Variants in NUMBL observed in about 807,000 individuals in gnomAD.
NUMBL encodes NUMB like endocytic adaptor protein.
NUMBL carries 20 observed loss-of-function variants against 48.9 expected under a neutral mutation model. That is an observed-to-expected ratio of 0.41 (90% CI 0.29 to 0.59). The LOEUF is 0.59. Among genes scored for constraint, NUMBL ranks in the 20% least tolerant of loss-of-function variants. NUMBL has a pLI of 0.31. For synonymous variants in NUMBL, 340 were observed against 348.7 expected (o/e 0.98, Z 0.28); for missense variants, 660 against 846.2 (o/e 0.78, Z 2.73).
chr19:40,673,475 C>T lies in NUMBL; in HGVS notation c.905G>A (p.Arg302His), dbSNP rs1034305117. Residue 302 changes from arginine to histidine, a missense_variant, in exon 8 of 10, where the codon CGC (arginine) becomes CAC (histidine). Arg to His is a conservative substitution (Grantham distance 29, BLOSUM62 0). This residue lies in a region of NUMBL where 278 missense variants were observed against 420.6 expected (regional missense o/e 0.66). Coordinates refer to ENST00000252891, the MANE Select transcript of NUMBL (RefSeq NM_004756.5). The surrounding 1 kb of genome is among the most constrained non-coding windows in gnomAD (Gnocchi z 5.9). ...RRHAPLEQLV[R>H]QGSFRGFPAL... is the part of the protein sequence containing the mutation. ...TGGGAACCCACGGAAGGAGCCCTGG[C>T]GAACCAGCTGCTCCAGGGGTGCATG... The T allele has an allele frequency of 2.5e-6, 4 of 1,600,754 alleles. No individual in the cohort carries two copies. The highest frequency in any genetic ancestry group is 2.6e-6 in the Non-Finnish European group (3 of 1,173,990).
intron 6 of NUMBL, among the ~76,000 whole-genome samples, chr19:40,680,441 C>T (rs1015199435): frequency 3.9e-5 from 5 of 126,706 alleles, no homozygotes; most frequent in East Asian, 2.2e-4. Context: ...TGAGCCACCA[C>T]GCCTGGCCAA....
Position 40,677,374 on chromosome 19 carries a change from C to A in NUMBL, c.588G>T (p.Leu196=). The part of the protein sequence containing the change: ...HAVGCAFAAC[L]ERKQRREKEC... ...CCTTCTCCCGTCGCTGTTTTCGCTC[C>A]AGGCAGGCGGCAAAAGCACAGCCCA... is the stretch of plus-strand genomic sequence containing the variant. The change falls in exon 7 of 10, where the codon CTG becomes CTT. Residue 196 remains leucine (L), a synonymous_variant. Coordinates refer to ENST00000252891, the MANE Select transcript of NUMBL (RefSeq NM_004756.5). 6.2e-7 allele frequency: 1 copy of A among 1,611,738 alleles called. No homozygotes were observed. Among genetic ancestry groups the A allele is most frequent in the East Asian group, 2.2e-5 (1 of 44,886 alleles).
At position 40,687,308 on chromosome 19, in the gene NUMBL, T is replaced by C. The variant is rs1227252834; in HGVS notation, c.25-313A>G. On this transcript the variant is annotated intron_variant, in intron 1 of 9. Coordinates refer to ENST00000252891, the MANE Select transcript of NUMBL (RefSeq NM_004756.5). The surrounding 1 kb of genome is among the most constrained non-coding windows in gnomAD (Gnocchi z 4.6). ...AGGGCTACACACATACGCAGCCAAC[T>C]CATATCTACAGGTGTCCCTAGCATC... is the stretch of plus-strand genomic sequence containing the variant. 6.6e-6 allele frequency among the ~76,000 whole-genome samples: 1 copy of C among 152,124 alleles called. No individual in the cohort carries two copies. Among genetic ancestry groups the C allele is most frequent in the East Asian group, 1.9e-4 (1 of 5,188 alleles).
chr19:40,684,290 C>G (rs2081921866), intron 3 of NUMBL, 127 bp downstream of exon 3: 8 of 992,400 alleles, frequency 8.1e-6, no homozygotes, highest in Non-Finnish European at 8.7e-6. Context: ...GGACTGCCGG[C>G]CTCACGCTTT....
Position 40,690,583 on chromosome 19 carries a change from G to GC in NUMBL, c.-101dup. The GC allele has an allele frequency of 3.0e-6, 2 of 674,592 alleles. No homozygotes were observed. The highest frequency in any genetic ancestry group is 4.1e-6 in the Non-Finnish European group (2 of 484,610). 41.8% of individuals were successfully genotyped at this position (674,592 alleles called of 1,614,324 possible). ...GCGGCGGCAGCTCGGTCTGACGCCG[G>GC]CCAGGGCCCGGGGCCGGGGGATGGT... is the stretch of plus-strand genomic sequence containing the variant. On this transcript the variant is annotated 5_prime_UTR_variant, in exon 1 of 10. Transcript: ENST00000252891.
intron 7 of NUMBL, among the ~76,000 whole-genome samples, chr19:40,674,121 T>C (rs946485221): frequency 6.6e-6 from 1 of 152,194 alleles, no homozygotes; most frequent in African/African-American, 2.4e-5. Context: ...CAGTGTGATG[T>C]GCCCAAGTCC....
chr19:40,672,228 G>A (rs905603661), intron 8 of NUMBL, among the ~76,000 whole-genome samples: 1 of 152,090 alleles, frequency 6.6e-6, no homozygotes, highest in African/African-American at 2.4e-5. Flanking sequence ...CCTTTCCCTG[G>A]CCCATGGCAG....
Position 40,687,143 on chromosome 19 carries a change from A to T in NUMBL, c.25-148T>A. The T allele has an allele frequency of 1.7e-6, 1 of 579,614 alleles. No homozygotes were observed. The allele number at this position is 579,614 out of a possible 1,614,324, so 35.9% of individuals were successfully genotyped here. On this transcript the variant is annotated intron_variant, in intron 1 of 9. Coordinates refer to ENST00000252891, the MANE Select transcript of NUMBL (RefSeq NM_004756.5). The surrounding 1 kb of genome is among the most constrained non-coding windows in gnomAD (Gnocchi z 4.6). ...GTTGTCCTAGCAACTGTTACCAGGGAGATCAGCCACCTGGTTCCAAGGGCC... is the reference window on the plus strand; with the variant it reads ...GTTGTCCTAGCAACTGTTACCAGGGTGATCAGCCACCTGGTTCCAAGGGCC...
At chr19:40,669,237 G>A (rs575509504) in intron 9 of NUMBL, among the ~76,000 whole-genome samples, 18 of 152,100 alleles carry the variant, frequency 1.2e-4, no homozygotes, top group Non-Finnish European at 2.4e-4. Context: ...TTTCTAAGGT[G>A]ATCCTATGGC....
chr19:40,677,269 C>A lies in NUMBL; in HGVS notation c.693G>T (p.Gly231=). 6.3e-7 allele frequency: 1 copy of A among 1,594,066 alleles called. No individual in the cohort carries two copies. The highest frequency in any genetic ancestry group is 1.8e-4 in the Middle Eastern group (1 of 5,420). Residue 231 remains glycine, a synonymous_variant, in exon 7 of 10, where the codon GGG becomes GGT. Coordinates refer to ENST00000252891, the MANE Select transcript of NUMBL (RefSeq NM_004756.5). ...REGSFRLSGG[G]RPAEREAPDK... The stretch of plus-strand genomic sequence containing the variant: ...CCGGGGCCTCTCGCTCAGCAGGCCG[C>A]CCACCCCCAGACAGGCGGAAGGAGC...
chr19:40,667,332 G>A lies in NUMBL; in HGVS notation c.*136C>T, dbSNP rs1239376985. The A allele has an allele frequency of 8.8e-6, 11 of 1,253,964 alleles. No individual in the cohort carries two copies. Among genetic ancestry groups the A allele is most frequent in the East Asian group, 2.5e-5 (1 of 39,446 alleles). 77.7% of individuals were successfully genotyped at this position (1,253,964 alleles called of 1,614,324 possible). A position where few individuals can be genotyped will look rare whatever the true frequency, so the allele number is the denominator to read the frequency against. On this transcript the variant is annotated 3_prime_UTR_variant, in exon 10 of 10. Transcript: ENST00000252891. This position sits in a 1 kb window ranked among gnomAD's most constrained non-coding sequence, Gnocchi z 6.1. The stretch of plus-strand genomic sequence containing the variant: ...CAATGTTGGTTCTGTAGTGGTTGTC[G>A]GGGTGGTTGAGGGAGGGGGGTGTTG...
intron 5 of NUMBL, among the ~76,000 whole-genome samples, chr19:40,681,830 G>A (rs1229492671): frequency 3.3e-5 from 5 of 151,854 alleles, no homozygotes; most frequent in Admixed American, 2.0e-4. Context: ...GCACCACCAC[G>A]TCTGGCTAAT....
rs748345738 is a variant in NUMBL at position 40,667,446 on chromosome 19, G to A, written c.*22C>T. 1.3e-6 allele frequency: 2 copies of A among 1,599,848 alleles called. No individual in the cohort carries two copies. Among genetic ancestry groups the A allele is most frequent in the Non-Finnish European group, 1.7e-6 (2 of 1,174,000 alleles). On this transcript the variant is annotated 3_prime_UTR_variant, in exon 10 of 10. Coordinates refer to ENST00000252891, the MANE Select transcript of NUMBL (RefSeq NM_004756.5). This position sits in a 1 kb window ranked among gnomAD's most constrained non-coding sequence, Gnocchi z 6.1. The stretch of plus-strand genomic sequence containing the variant: ...CAGGCGTGGGGCACCTGGAGATGAT[G>A]GAGTGGGTGGGGCGGCTCGGGCTAC...
At position 40,680,926 on chromosome 19, in the gene NUMBL, C is replaced by T. The variant is rs1050382437; in HGVS notation, c.531G>A (p.Leu177=). Reference sequence around the variant, plus strand: ...CTGTGGCAATACTCACGGAGTCCTTCAGTGCCAGAAAACAGTGGCAGATCC... The same window carrying T: ...CTGTGGCAATACTCACGGAGTCCTTTAGTGCCAGAAAACAGTGGCAGATCC... ...RRWICHCFLA[L]KDSGERLSHA... The change falls in exon 6 of 10, where the codon CTG becomes CTA. Residue 177 remains leucine (L), a synonymous_variant. Coordinates refer to ENST00000252891, the MANE Select transcript of NUMBL (RefSeq NM_004756.5). 1 of 1,614,066 alleles carries T rather than the reference C, an allele frequency of 6.2e-7. No homozygotes were observed. Among genetic ancestry groups the T allele is most frequent in the African/African-American group, 1.3e-5 (1 of 74,930 alleles).
intron 6 of NUMBL, among the ~76,000 whole-genome samples, chr19:40,677,720 C>T (rs1025642968): frequency 2.6e-5 from 4 of 152,112 alleles, no homozygotes; most frequent in Non-Finnish European, 4.4e-5. Flanking sequence ...TGGTGGCTCT[C>T]GCCTGTAATC....
chr19:40,684,805 G>A, intron 2 of NUMBL: 1 of 498,832 alleles, frequency 2.0e-6, no homozygotes, highest in South Asian at 2.6e-5. Context: ...GGGCTAAGGG[G>A]CTGGAGGTCT....
chr19:40,684,385 T>TCGCCCCGCCG, intron 3 of NUMBL, 32 bp downstream of exon 3: 1 of 1,533,814 alleles, frequency 6.5e-7, no homozygotes, highest in Non-Finnish European at 8.7e-7. Context: ...CCCGTCCCCC[T>TCGCCCCGCCG]CGCCCCGCCG....
intron 6 of NUMBL, 100 bp from the exon 7 acceptor site, chr19:40,677,521 A>C: frequency 9.3e-7 from 1 of 1,073,610 alleles, no homozygotes; most frequent in Non-Finnish European, 1.3e-6. Flanking sequence ...GTTGCCCCGG[A>C]TGAGTCTCTG....
At chr19:40,678,462 C>T (rs949375923) in intron 6 of NUMBL, among the ~76,000 whole-genome samples, 3 of 151,992 alleles carry the variant, frequency 2.0e-5, no homozygotes, top group African/African-American at 7.3e-5. Context: ...CATGCCCGGC[C>T]GGGATTAATG....
Sources: gnomAD v4.1 joint callset for allele counts (sites outside exome capture counted in the v4.1 genomes callset) on GRCh38, gnomAD v4.1.1 for gene constraint, gnomAD v4.1.1 regional missense constraint, Gnocchi (gnomAD v3.1) non-coding constraint, MANE v1.5 for transcripts, NCBI Gene and HGNC (gene_info 2026-07-23, HGNC 2026-07-21) for gene names.